The following CYP7B1 variants were observed in gnomAD, a reference collection of about 807,000 sequenced individuals.
The protein encoded by CYP7B1 is cytochrome P450 7B1.
In CYP7B1, 29 loss-of-function variants were observed where a neutral mutation model predicts 42.7. The ratio of observed to expected loss-of-function variants is 0.68; its 90% CI spans 0.51 to 0.93. The LOEUF (loss-of-function observed/expected upper bound fraction) is 0.93, where lower values mean the gene tolerates loss of function less well. CYP7B1 is among the 40% of genes least tolerant of loss of function. The pLI is 0.00. For synonymous variants in CYP7B1, 235 were observed against 218.2 expected (o/e 1.08, Z -0.68); for missense variants, 655 against 600.5 (o/e 1.09, Z -0.95).
At chr8:64,667,873 T>A in intron 1 of CYP7B1, among the ~76,000 whole-genome samples, 1 of 152,172 alleles carries the variant, frequency 6.6e-6, no homozygotes, top group East Asian at 1.9e-4. Context: ...ATACACATAG[T>A]AGGCGTTCTT....
intron 1 of CYP7B1, among the ~76,000 whole-genome samples, chr8:64,637,815 T>C (rs1392880071): frequency 6.6e-6 from 1 of 152,184 alleles, no homozygotes; most frequent in African/African-American, 2.4e-5. Context: ...CTCATTTCTA[T>C]GTACTCATCA....
At chr8:64,745,892 G>A (rs556882759) in intron 1 of CYP7B1, among the ~76,000 whole-genome samples, 24 of 152,188 alleles carry the variant, frequency 1.6e-4, no homozygotes, top group African/African-American at 3.1e-4. Flanking sequence ...CATCTAAAGC[G>A]TCCCTTTGCA....
At chr8:64,731,124 G>A (rs542322600) in intron 1 of CYP7B1, among the ~76,000 whole-genome samples, 10 of 152,238 alleles carry the variant, frequency 6.6e-5, no homozygotes, top group Non-Finnish European at 1.0e-4. Flanking sequence ...CCCAGTCTCC[G>A]GTATGTCTTT....
At chr8:64,736,719 G>A (rs1365811208) in intron 1 of CYP7B1, among the ~76,000 whole-genome samples, 1 of 152,030 alleles carries the variant, frequency 6.6e-6, no homozygotes, top group East Asian at 1.9e-4. Context: ...AAAGTGCTGG[G>A]ATTACAGGTG....
chr8:64,711,165 G>C (rs1807073655), intron 1 of CYP7B1, among the ~76,000 whole-genome samples: 1 of 152,208 alleles, frequency 6.6e-6, no homozygotes, highest in Non-Finnish European at 1.5e-5. Flanking sequence ...AAGAAGACAA[G>C]AGTAGAGGCA....
chr8:64,650,493 C>A (rs1585832275), intron 1 of CYP7B1, among the ~76,000 whole-genome samples: 1 of 151,858 alleles, frequency 6.6e-6, no homozygotes, highest in Non-Finnish European at 1.5e-5. Context: ...ACCAAAAATA[C>A]AAAAATTAGC....
chr8:64,602,397 C>G (rs146476375), intron 5 of CYP7B1, among the ~76,000 whole-genome samples: 1 of 152,254 alleles, frequency 6.6e-6, no homozygotes, highest in African/African-American at 2.4e-5. Context: ...CAACAGCTCT[C>G]AAGTATGTTG....
chr8:64,741,269 T>C (rs7812423), intron 1 of CYP7B1, among the ~76,000 whole-genome samples: 122 of 151,828 alleles, frequency 8.0e-4, no homozygotes, highest in African/African-American at 2.8e-3. Context: ...GAGGAAGAAA[T>C]AAAATTTTCT....
At chr8:64,669,663 G>A (rs1806335436) in intron 1 of CYP7B1, among the ~76,000 whole-genome samples, 1 of 151,780 alleles carries the variant, frequency 6.6e-6, no homozygotes, top group Non-Finnish European at 1.5e-5. Flanking sequence ...GTAAATTTAT[G>A]GTTTGCAAAC....
intron 1 of CYP7B1, among the ~76,000 whole-genome samples, chr8:64,761,599 A>G (rs1807892356): frequency 6.6e-6 from 1 of 152,198 alleles, no homozygotes; most frequent in Non-Finnish European, 1.5e-5. Flanking sequence ...GAAAGAAATG[A>G]CTGGAAATTA....
intron 1 of CYP7B1, among the ~76,000 whole-genome samples, chr8:64,758,430 G>A (rs572478810): frequency 8.5e-5 from 13 of 152,146 alleles, no homozygotes; most frequent in Non-Finnish European, 1.6e-4. Context: ...TACTAGCTAT[G>A]TAGCTTTGAA....
intron 1 of CYP7B1, among the ~76,000 whole-genome samples, chr8:64,709,301 TC>T: frequency 6.6e-6 from 1 of 152,214 alleles, no homozygotes; most frequent in Admixed American, 6.5e-5. Context: ...TCTTTTGATT[TC>T]TATCTTTCTT....
intron 1 of CYP7B1, among the ~76,000 whole-genome samples, chr8:64,771,080 T>TTTTTTC (rs61295651): frequency 7.6e-6 from 1 of 132,320 alleles, no homozygotes; most frequent in Admixed American, 7.7e-5. Flanking sequence ...TTTTTTTTTT[T>TTTTTTC]AGACAGGGTC....
chr8:64,643,164 C>CACATATATACAT (rs1563374366), intron 1 of CYP7B1, among the ~76,000 whole-genome samples: 35 of 117,768 alleles, frequency 3.0e-4, no homozygotes, highest in African/African-American at 1.1e-3. Context: ...CATATATACA[C>CACATATATACAT]ATATATACAT....
intron 1 of CYP7B1, among the ~76,000 whole-genome samples, chr8:64,652,286 C>T (rs889404427): frequency 1.1e-4 from 17 of 152,218 alleles, no homozygotes; most frequent in Admixed American, 7.8e-4. Flanking sequence ...TGGCTCATTC[C>T]TATTCAGAAC....
Position 64,746,760 on chromosome 8 carries a change from A to G in CYP7B1, c.122+51706T>C, listed in dbSNP as rs192339130. Among the ~76,000 whole-genome samples, 22 of 152,226 alleles carry G rather than the reference A, an allele frequency of 1.4e-4. No homozygotes were observed. The East Asian group carries it at 4.1e-3, about 28-fold the overall frequency. ...AAATTTTGGAAGATAACCAAACCCA[A>G]TGTTACATATTTTTCTGAATACCCC... On this transcript the variant is annotated intron_variant, in intron 1 of 5. Coordinates refer to ENST00000310193, the MANE Select transcript of CYP7B1 (RefSeq NM_004820.5).
Position 64,592,110 on chromosome 8 carries a change from C to T in CYP7B1, c.*4532G>A, listed in dbSNP as rs932410612. On this transcript the variant is annotated 3_prime_UTR_variant, in exon 6 of 6. Coordinates refer to ENST00000310193, the MANE Select transcript of CYP7B1 (RefSeq NM_004820.5). ...GGCTGAGACAAGGGAATTGCTTGAA[C>T]CCAGGAAGTGGAGGTTGCAGTGAGC... Among the ~76,000 whole-genome samples, 4 of 151,764 alleles carry T rather than the reference C, an allele frequency of 2.6e-5. No individual in the cohort carries two copies. The highest frequency in any genetic ancestry group is 5.9e-5 in the Non-Finnish European group (4 of 67,984).
chr8:64,691,925 C>T (rs1006832624), intron 1 of CYP7B1, among the ~76,000 whole-genome samples: 1 of 152,182 alleles, frequency 6.6e-6, no homozygotes, highest in African/African-American at 2.4e-5. Flanking sequence ...TTCTGACATA[C>T]CTCAAACATG....
chr8:64,636,267 C>T (rs906117341), intron 1 of CYP7B1, among the ~76,000 whole-genome samples: 1 of 152,154 alleles, frequency 6.6e-6, no homozygotes, highest in African/African-American at 2.4e-5. Context: ...GCTCAGCTCC[C>T]AGGCTCTGCC....
Sources: allele counts gnomAD v4.1 joint callset (sites outside exome capture counted in the v4.1 genomes callset), GRCh38; gene constraint gnomAD v4.1.1; transcripts MANE v1.5; gene names NCBI Gene and HGNC (gene_info 2026-07-23, HGNC 2026-07-21).